COG5: variants seen among roughly 807,000 people sequenced by gnomAD.
COG5 encodes the protein component of oligomeric golgi complex 5.
Under a neutral mutation model 110.4 loss-of-function variants are expected in COG5, and 86 were observed. The observed-to-expected ratio is 0.78, with a 90% CI of 0.65 to 0.93. COG5 has a LOEUF of 0.93. COG5 is among the 40% of genes least tolerant of loss of function. The probability of loss-of-function intolerance (pLI) is 0.00; values close to 1 mark genes in which losing one functional copy is unlikely to be tolerated. For missense variants in COG5, 1,077 were observed against 987.0 expected (o/e 1.09, Z -1.22); for synonymous variants, 360 against 334.6 (o/e 1.08, Z -0.83).
In COG5 at chr7:107,202,282, C is replaced by A. The variant is rs1798387600; in HGVS notation, c.*1234G>T. On this transcript the variant is annotated 3_prime_UTR_variant, in exon 22 of 22. Transcript: ENST00000297135. Reference sequence around the variant, plus strand: ...ACTTTGCACTTACTGCAGTGCAACACTTGCACTTTAATTTTCCTCCAACTG... The same window carrying A: ...ACTTTGCACTTACTGCAGTGCAACAATTGCACTTTAATTTTCCTCCAACTG... The A allele has an allele frequency of 2.0e-5, 3 of 152,656 alleles. No homozygotes were observed. Among genetic ancestry groups the A allele is most frequent in the Non-Finnish European group, 4.4e-5 (3 of 68,044 alleles). 9.5% of individuals were successfully genotyped at this position (152,656 alleles called of 1,614,324 possible).
intron 7 of COG5, among the ~76,000 whole-genome samples, chr7:107,404,586 T>C (rs1014886930): frequency 2.6e-5 from 4 of 152,104 alleles, no homozygotes; most frequent in Admixed American, 1.3e-4. Flanking sequence ...AAATGGGATG[T>C]GAACGACTAA....
chr7:107,534,101 C>G (rs1435244060), intron 5 of COG5, among the ~76,000 whole-genome samples: 1 of 151,524 alleles, frequency 6.6e-6, no homozygotes, highest in East Asian at 1.9e-4. Flanking sequence ...AAATCCTTTA[C>G]AGACAAGCAG....
intron 6 of COG5, among the ~76,000 whole-genome samples, chr7:107,503,563 T>C (rs1396948815): frequency 6.6e-6 from 1 of 152,154 alleles, no homozygotes; most frequent in Non-Finnish European, 1.5e-5. Context: ...TGATGGGGAA[T>C]TGCACTGAAT....
intron 8 of COG5, among the ~76,000 whole-genome samples, chr7:107,362,874 T>G (rs1274563946): frequency 6.6e-6 from 1 of 151,270 alleles, no homozygotes; most frequent in African/African-American, 2.4e-5. Context: ...TAAAACTAAC[T>G]GTATATCAAA....
chr7:107,402,437 A>C (rs1381645589), intron 7 of COG5, among the ~76,000 whole-genome samples: 6 of 152,198 alleles, frequency 3.9e-5, no homozygotes, highest in Non-Finnish European at 1.5e-5. Context: ...GTTTACTGGG[A>C]AAGCTTCTAA....
At chr7:107,445,904 A>G (rs537835529) in intron 6 of COG5, among the ~76,000 whole-genome samples, 1 of 152,364 alleles carries the variant, frequency 6.6e-6, no homozygotes, top group South Asian at 2.1e-4. Context: ...AAAATTGTCA[A>G]AAATACATAA....
chr7:107,206,963 A>AT (rs1312960010), intron 21 of COG5, among the ~76,000 whole-genome samples: 68 of 152,088 alleles, frequency 4.5e-4, no homozygotes, highest in African/African-American at 1.6e-3. Context: ...CAAAATAAGT[A>AT]GATTATTGAG....
chr7:107,314,529 G>C (rs1562964426), intron 11 of COG5, among the ~76,000 whole-genome samples: 2 of 148,566 alleles, frequency 1.3e-5, no homozygotes, highest in Non-Finnish European at 3.0e-5. Context: ...AGATCACGAG[G>C]TCAGGAGATA....
chr7:107,484,880 A>G (rs1412946770), intron 6 of COG5, among the ~76,000 whole-genome samples: 1 of 150,060 alleles, frequency 6.7e-6, no homozygotes, highest in Non-Finnish European at 1.5e-5. Context: ...ATCATTTCGT[A>G]ACACACCTAA....
At chr7:107,509,403 A>C (rs532831038) in intron 6 of COG5, among the ~76,000 whole-genome samples, 4 of 152,246 alleles carry the variant, frequency 2.6e-5, no homozygotes, top group Non-Finnish European at 5.9e-5. Flanking sequence ...CTATGTGAAA[A>C]GACCAAGTCT....
intron 6 of COG5, among the ~76,000 whole-genome samples, chr7:107,484,925 G>C (rs1214642419): frequency 6.6e-6 from 1 of 152,042 alleles, no homozygotes; most frequent in African/African-American, 2.4e-5. Context: ...GAGGAGGGTA[G>C]TACCTCCAAC....
intron 21 of COG5, chr7:107,207,704 T>G: frequency 1.1e-6 from 1 of 926,020 alleles, no homozygotes; most frequent in Non-Finnish European, 1.3e-6. Context: ...ACCTGCCTGA[T>G]GCAGGCTGAA....
intron 10 of COG5, among the ~76,000 whole-genome samples, chr7:107,343,956 C>G (rs1189718586): frequency 6.6e-6 from 1 of 151,600 alleles, no homozygotes. Flanking sequence ...ATCCTCCATG[C>G]TTTACTGTTC....
intron 17 of COG5, among the ~76,000 whole-genome samples, chr7:107,241,357 T>C (rs1801606209): frequency 1.3e-5 from 2 of 151,068 alleles, no homozygotes; most frequent in African/African-American, 4.8e-5. Context: ...AATATAGTTT[T>C]TTTTTCGGTA....
rs561068219 is a variant in COG5, at chr7:107,394,390, A to T, written c.669+18112T>A. Among the ~76,000 whole-genome samples the T allele has an allele frequency of 4.6e-5, 7 of 152,040 alleles. No individual in the cohort carries two copies. In the East Asian group the frequency reaches 1.3e-3, roughly 29 times the overall value. ...AACCAAAATATTTCCCCTGCTTTAG[A>T]AATAATTATGATGTGATTTTTTTCT... On this transcript the variant is annotated intron_variant, in intron 7 of 21. Transcript: ENST00000297135.
intron 7 of COG5, among the ~76,000 whole-genome samples, chr7:107,379,737 C>G (rs12535093): frequency 2.0e-5 from 3 of 151,858 alleles, no homozygotes; most frequent in Non-Finnish European, 4.4e-5. Flanking sequence ...CTAACTATCC[C>G]AAGTATATAT....
intron 19 of COG5, among the ~76,000 whole-genome samples, chr7:107,220,172 G>A (rs1799813214): frequency 6.6e-6 from 1 of 152,156 alleles, no homozygotes; most frequent in African/African-American, 2.4e-5. Flanking sequence ...CAGCTATGCT[G>A]ATTCACAGAA....
At chr7:107,472,977 T>C (rs146625090) in intron 6 of COG5, 2 of 151,994 alleles carry the variant, frequency 1.3e-5, no homozygotes, top group South Asian at 2.1e-4. Flanking sequence ...TAAACCCCTA[T>C]ATATTAAAAT....
chr7:107,431,260 T>C (rs1305087143), intron 6 of COG5, among the ~76,000 whole-genome samples: 1 of 152,206 alleles, frequency 6.6e-6, no homozygotes, highest in Non-Finnish European at 1.5e-5. Context: ...CAGAGTTTGA[T>C]ATAAATGTAG....
Sources: allele counts gnomAD v4.1 joint callset (sites outside exome capture counted in the v4.1 genomes callset), GRCh38; gene constraint gnomAD v4.1.1; transcripts MANE v1.5; gene names NCBI Gene and HGNC (gene_info 2026-07-23, HGNC 2026-07-21).